The following MBOAT2 variants were observed in gnomAD, a reference collection of about 807,000 sequenced individuals.
MBOAT2 encodes membrane bound glycerophospholipid O-acyltransferase 2, also known as membrane-bound glycerophospholipid O-acyltransferase 2.
In MBOAT2, 28 loss-of-function variants were observed where a neutral mutation model predicts 63.4. That is an observed-to-expected ratio of 0.44 (90% confidence interval 0.33 to 0.61). MBOAT2 has a LOEUF of 0.61. MBOAT2 is among the 20% of genes least tolerant of loss of function. The pLI is 0.03. For missense variants in MBOAT2, 470 were observed against 605.8 expected (o/e 0.78, Z 2.35); for synonymous variants, 211 against 215.6 (o/e 0.98, Z 0.19).
chr2:8,992,631 ATGT>A (rs1671995006), intron 1 of MBOAT2, among the ~76,000 whole-genome samples: 1 of 152,240 alleles, frequency 6.6e-6, no homozygotes, highest in Non-Finnish European at 1.5e-5. Flanking sequence ...CTAAAATTAT[ATGT>A]TATGTATCAC....
chr2:8,964,134 T>C (rs1424842294), intron 1 of MBOAT2, among the ~76,000 whole-genome samples: 8 of 152,212 alleles, frequency 5.3e-5, no homozygotes, highest in Non-Finnish European at 1.2e-4. Flanking sequence ...TGAAGCCTCC[T>C]GTGCAAACCC....
intron 4 of MBOAT2, among the ~76,000 whole-genome samples, chr2:8,902,239 G>C (rs1361564890): frequency 6.6e-6 from 1 of 152,226 alleles, no homozygotes; most frequent in Non-Finnish European, 1.5e-5. Flanking sequence ...CAGGTGCCCA[G>C]TATTTAGCCC....
At chr2:8,972,080 A>T (rs1670495254) in intron 1 of MBOAT2, among the ~76,000 whole-genome samples, 2 of 152,204 alleles carry the variant, frequency 1.3e-5, no homozygotes, top group South Asian at 4.1e-4. Flanking sequence ...AGCCAAAAGA[A>T]TAAAGCTGGA....
chr2:8,860,198 A>C (rs1661398189), intron 12 of MBOAT2, among the ~76,000 whole-genome samples: 1 of 152,220 alleles, frequency 6.6e-6, no homozygotes, highest in Non-Finnish European at 1.5e-5. Context: ...CTCAAAAAAA[A>C]AAAGATAATT....
chr2:8,866,553 CAATA>C (rs1487323618), intron 9 of MBOAT2, among the ~76,000 whole-genome samples: 3 of 152,114 alleles, frequency 2.0e-5, no homozygotes, highest in Non-Finnish European at 2.9e-5. Context: ...AATATATGTC[CAATA>C]AATAAAGACT....
chr2:8,863,779 T>C (rs928673448), intron 10 of MBOAT2, among the ~76,000 whole-genome samples: 1 of 152,210 alleles, frequency 6.6e-6, no homozygotes, highest in East Asian at 1.9e-4. Flanking sequence ...TGAATTGAAA[T>C]ATTTAAAACC....
In MBOAT2 at chr2:8,854,219, T is replaced by G. The variant is rs1309351687; in HGVS notation, c.*4460A>C. 3 of 152,228 alleles carry G rather than the reference T, an allele frequency of 2.0e-5. No homozygotes were observed. The highest frequency in any genetic ancestry group is 6.5e-5 in the Admixed American group (1 of 15,286). 9.4% of individuals were successfully genotyped at this position (152,228 alleles called of 1,614,324 possible). The stretch of plus-strand genomic sequence containing the variant: ...ACTCAAATTTCAGGGTGTATTTCTC[T>G]CCTTAAATGCAAATCTTTTGCTTCA... On this transcript the variant is annotated 3_prime_UTR_variant, in exon 13 of 13. Transcript: ENST00000305997.
chr2:8,882,526 C>A lies in MBOAT2; in HGVS notation c.491G>T (p.Arg164Met). The A allele has an allele frequency of 6.2e-7, 1 of 1,614,214 alleles. No homozygotes were observed. The highest frequency in any genetic ancestry group is 1.1e-5 in the South Asian group (1 of 91,090). ...AGGCACGTACCTTACAGCTAAATCC[C>A]TCTGTGAGGAAGTCAGTTCTTCATC... ...RKDEELTSSQ[R>M]DLAVRRMPSL... The change falls in exon 6 of 13, where the codon AGG becomes ATG. Residue 164 changes from arginine (R) to methionine (M), a missense_variant. Around this residue, in one of 3 missense-constraint regions of MBOAT2, gnomAD observed 376 missense variants for 503.8 expected, o/e 0.75. Coordinates refer to ENST00000305997, the MANE Select transcript of MBOAT2 (RefSeq NM_138799.4).
Position 8,862,752 on chromosome 2 carries a change from A to G in MBOAT2, c.1053-30T>C. 6.3e-7 allele frequency: 1 copy of G among 1,594,614 alleles called. No individual in the cohort carries two copies. Among genetic ancestry groups the G allele is most frequent in the Non-Finnish European group, 8.5e-7 (1 of 1,172,920 alleles). Reference sequence around the variant, plus strand: ...AAACCATGAAAAACATGGAGAGCCAAGTGGAGTGAGTGACCCGAGTTTACA... The same window carrying G: ...AAACCATGAAAAACATGGAGAGCCAGGTGGAGTGAGTGACCCGAGTTTACA... On this transcript the variant is annotated intron_variant, in intron 10 of 12. Coordinates refer to ENST00000305997, the MANE Select transcript of MBOAT2 (RefSeq NM_138799.4). This position sits in a 1 kb window ranked among gnomAD's most constrained non-coding sequence, Gnocchi z 4.3.
At chr2:8,924,309 C>T (rs1420544409) in intron 3 of MBOAT2, among the ~76,000 whole-genome samples, 1 of 152,078 alleles carries the variant, frequency 6.6e-6, no homozygotes, top group Non-Finnish European at 1.5e-5. Flanking sequence ...TCCTTGAATA[C>T]AGAGACACCA....
intron 3 of MBOAT2, among the ~76,000 whole-genome samples, chr2:8,912,366 A>AG: frequency 1.1e-5 from 1 of 94,232 alleles, no homozygotes; most frequent in African/African-American, 4.5e-5. Flanking sequence ...AGAAAGAAAG[A>AG]AAGAAAGAGA....
chr2:8,873,723 G>C (rs1484665451), intron 7 of MBOAT2, among the ~76,000 whole-genome samples: 1 of 152,046 alleles, frequency 6.6e-6, no homozygotes, highest in Non-Finnish European at 1.5e-5. Context: ...GCATCTCATG[G>C]ATGTTATTTT....
Position 8,987,162 on chromosome 2 carries a change from G to A in MBOAT2, c.75+16378C>T, listed in dbSNP as rs919298160. ...AGAGGAAAAACCGGATGTGGGGTAT[G>A]TGGAAACTAGCTGTACTATCTTCAC... On this transcript the variant is annotated intron_variant, in intron 1 of 12. Transcript: ENST00000305997. 1.3e-5 allele frequency among the ~76,000 whole-genome samples: 2 copies of A among 152,216 alleles called. 1 individual carries two copies. Among genetic ancestry groups the A allele is most frequent in the Admixed American group, 1.3e-4 (2 of 15,286 alleles).
chr2:8,922,221 C>A (rs1280446249), intron 3 of MBOAT2, among the ~76,000 whole-genome samples: 1 of 152,006 alleles, frequency 6.6e-6, no homozygotes, highest in African/African-American at 2.4e-5. Flanking sequence ...GTTTCTTTTT[C>A]AAAGTTTCCA....
Position 8,966,913 on chromosome 2 carries a change from A to G in MBOAT2, c.76-8271T>C, listed in dbSNP as rs541757590. 3.3e-5 allele frequency among the ~76,000 whole-genome samples: 5 copies of G among 152,378 alleles called. No homozygotes were observed. The South Asian group carries it at 8.3e-4, about 25-fold the overall frequency. ...AAGAATGTTCAATACAATGTTGTTCATAATAGCCAAATGCCAAGGAAAAAT... is the reference window on the plus strand; with the variant it reads ...AAGAATGTTCAATACAATGTTGTTCGTAATAGCCAAATGCCAAGGAAAAAT... On this transcript the variant is annotated intron_variant, in intron 1 of 12. Coordinates refer to ENST00000305997, the MANE Select transcript of MBOAT2 (RefSeq NM_138799.4).
chr2:8,882,725 T>A (rs1477928634), intron 5 of MBOAT2, among the ~76,000 whole-genome samples, 160 bp from the exon 6 acceptor site: 1 of 152,242 alleles, frequency 6.6e-6, no homozygotes, highest in Non-Finnish European at 1.5e-5. Context: ...CAACACAGCC[T>A]CGATCATGTG....
intron 1 of MBOAT2, among the ~76,000 whole-genome samples, chr2:8,982,387 C>T (rs1005593190): frequency 3.9e-5 from 6 of 152,136 alleles, no homozygotes; most frequent in Non-Finnish European, 5.9e-5. Flanking sequence ...AACACAACAG[C>T]CAGAACCAAA....
intron 2 of MBOAT2, among the ~76,000 whole-genome samples, chr2:8,950,751 C>G (rs900280874): frequency 6.6e-6 from 1 of 152,140 alleles, no homozygotes; most frequent in Admixed American, 6.5e-5. Context: ...TTTGCCCATT[C>G]AGTATGATAT....
chr2:8,878,062 C>A (rs779337172), intron 6 of MBOAT2, among the ~76,000 whole-genome samples: 1 of 152,184 alleles, frequency 6.6e-6, no homozygotes, highest in Admixed American at 6.5e-5. Flanking sequence ...GGGGCTCCTG[C>A]GGTCTCCAGG....
Sources: allele counts gnomAD v4.1 joint callset (sites outside exome capture counted in the v4.1 genomes callset), GRCh38; gene constraint gnomAD v4.1.1; regional missense constraint gnomAD v4.1.1; non-coding constraint Gnocchi (gnomAD v3.1); transcripts MANE v1.5; gene names NCBI Gene and HGNC (gene_info 2026-07-23, HGNC 2026-07-21).